MAP3K3: variants seen among roughly 807,000 people sequenced by gnomAD.
The protein encoded by MAP3K3 is mitogen-activated protein kinase kinase kinase 3, also known as MAP/ERK kinase kinase 3.
In MAP3K3, 12 loss-of-function variants were observed where a neutral mutation model predicts 80.9. The ratio of observed to expected loss-of-function variants is 0.15; its 90% CI spans 0.10 to 0.24. MAP3K3 has a LOEUF of 0.24. Ranked by LOEUF, MAP3K3 falls within the 10% of genes least tolerant of loss-of-function variation. The probability of loss-of-function intolerance (pLI) is 1.00; values close to 1 mark genes in which losing one functional copy is unlikely to be tolerated. For synonymous variants in MAP3K3, 272 were observed against 307.1 expected, an observed-to-expected ratio of 0.89 and a Z score of 1.19; for missense variants, 596 against 834.7, an observed-to-expected ratio of 0.71 and a Z score of 3.52.
intron 2 of MAP3K3, among the ~76,000 whole-genome samples, chr17:63,639,050 A>G (rs915975224): frequency 6.6e-6 from 1 of 152,178 alleles, no homozygotes; most frequent in Non-Finnish European, 1.5e-5. Flanking sequence ...AAGGTATGTC[A>G]TATTCCCTGT....
Position 63,652,150 on chromosome 17 carries a change from G to A in MAP3K3, c.168-407G>A, listed in dbSNP as rs1598082913. ...ATCCATCACCTATATATTAAGCCCAGTATGCATTAGCTATTCTTCCTGATA... is the reference window on the plus strand; with the variant it reads ...ATCCATCACCTATATATTAAGCCCAATATGCATTAGCTATTCTTCCTGATA... On this transcript the variant is annotated intron_variant, in intron 3 of 15. Coordinates refer to ENST00000361733, the MANE Select transcript of MAP3K3 (RefSeq NM_002401.5). Among the ~76,000 whole-genome samples, 4 of 152,302 alleles carry A rather than the reference G, an allele frequency of 2.6e-5. No individual in the cohort carries two copies. The South Asian group carries it at 8.3e-4, about 32-fold the overall frequency.
chr17:63,659,119 A>C (rs1285023637), intron 5 of MAP3K3, among the ~76,000 whole-genome samples: 1 of 152,068 alleles, frequency 6.6e-6, no homozygotes, highest in Non-Finnish European at 1.5e-5. Context: ...TGATCCACCC[A>C]CTTTAGCCTT....
chr17:63,651,128 T>C lies in MAP3K3; in HGVS notation c.168-1429T>C, dbSNP rs188591297. Among the ~76,000 whole-genome samples, 31 of 152,294 alleles carry C rather than the reference T, an allele frequency of 2.0e-4. 1 individual carries two copies. Among genetic ancestry groups the C allele is most frequent in the Middle Eastern group, 3.4e-3 (1 of 294 alleles). ...TTGAACCCATATAAAATTGCCACTT[T>C]TATATATCAAAAATGGTCGGCCATC... On this transcript the variant is annotated intron_variant, in intron 3 of 15. Transcript: ENST00000361733.
rs1441881728 is a variant in MAP3K3, at chr17:63,657,885, T to A, written c.359T>A (p.Leu120Gln). Residue 120 changes from leucine to glutamine, a missense_variant, in exon 5 of 16, where the codon CTG (leucine) becomes CAG (glutamine). Leu to Gln is a moderately radical substitution (Grantham distance 113). Coordinates refer to ENST00000361733, the MANE Select transcript of MAP3K3 (RefSeq NM_002401.5). The part of the protein sequence containing the change: ...SSSMKSLRIL[L>Q]LSQDRNHNSS... ...AGCATGAAAAGCCTTAGGATATTGCTGTTGTCCCAGGACAGAAACCATGTA... is the reference window on the plus strand; with the variant it reads ...AGCATGAAAAGCCTTAGGATATTGCAGTTGTCCCAGGACAGAAACCATGTA... The A allele has an allele frequency of 5.6e-6, 9 of 1,602,276 alleles. No homozygotes were observed. The highest frequency in any genetic ancestry group is 7.7e-6 in the Non-Finnish European group (9 of 1,170,906).
intron 1 of MAP3K3, among the ~76,000 whole-genome samples, chr17:63,623,814 A>T (rs2034044449): frequency 6.6e-6 from 1 of 152,214 alleles, no homozygotes; most frequent in Admixed American, 6.5e-5. Flanking sequence ...CAGTGAGAGG[A>T]TCGTTTGCAA....
intron 2 of MAP3K3, chr17:63,636,746 TTGTC>T (rs1234308271): frequency 6.5e-6 from 2 of 305,916 alleles, no homozygotes; most frequent in Non-Finnish European, 1.3e-5. Flanking sequence ...ATTGACCTGT[TTGTC>T]AGCGACAATG....
At chr17:63,654,023 C>T (rs1359508492) in intron 4 of MAP3K3, among the ~76,000 whole-genome samples, 2 of 152,156 alleles carry the variant, frequency 1.3e-5, no homozygotes, top group Non-Finnish European at 2.9e-5. Context: ...CACACCATCA[C>T]ACCCAGCTAA....
At chr17:63,666,172 T>C (rs1159056334) in intron 5 of MAP3K3, among the ~76,000 whole-genome samples, 3 of 152,136 alleles carry the variant, frequency 2.0e-5, no homozygotes, top group Non-Finnish European at 2.9e-5. Context: ...GGAGGATTGC[T>C]GACCCTCCTC....
At chr17:63,635,783 C>T (rs530273713) in intron 2 of MAP3K3, among the ~76,000 whole-genome samples, 1 of 152,132 alleles carries the variant, frequency 6.6e-6, no homozygotes, top group South Asian at 2.1e-4. Context: ...TCTTCATTAC[C>T]AGTTCTTCTG....
At chr17:63,659,144 T>C (rs2034833266) in intron 5 of MAP3K3, among the ~76,000 whole-genome samples, 1 of 152,210 alleles carries the variant, frequency 6.6e-6, no homozygotes, top group Non-Finnish European at 1.5e-5. Context: ...AGTGCTGGGA[T>C]TACAAGTGTG....
intron 8 of MAP3K3, among the ~76,000 whole-genome samples, chr17:63,686,730 C>T (rs1442086306): frequency 6.6e-6 from 1 of 152,082 alleles, no homozygotes; most frequent in Non-Finnish European, 1.5e-5. Context: ...CTAAATTTAC[C>T]CGCCTCTCTA....
intron 4 of MAP3K3, among the ~76,000 whole-genome samples, chr17:63,655,569 C>T (rs939338899): frequency 6.6e-6 from 1 of 152,192 alleles, no homozygotes; most frequent in African/African-American, 2.4e-5. Context: ...TGGCTCACTG[C>T]AGCCTTGACA....
At chr17:63,658,429 G>A (rs921847198) in intron 5 of MAP3K3, among the ~76,000 whole-genome samples, 1 of 152,182 alleles carries the variant, frequency 6.6e-6, no homozygotes, top group East Asian at 1.9e-4. Context: ...CCCAATGGCA[G>A]GCAGTCTGTA....
Position 63,691,262 on chromosome 17 carries a change from A to G in MAP3K3, c.1344+29A>G. On this transcript the variant is annotated intron_variant, in intron 13 of 15. Transcript: ENST00000361733. The surrounding 1 kb of genome is among the most constrained non-coding windows in gnomAD (Gnocchi z 4.8). ...CGTGCCCCTTGAATGCATGTGAGAC[A>G]CACACAAAAGAGGGCCTGACCTGGG... The G allele has an allele frequency of 6.2e-7, 1 of 1,613,780 alleles. No homozygotes were observed. The highest frequency in any genetic ancestry group is 8.5e-7 in the Non-Finnish European group (1 of 1,179,948).
At chr17:63,686,822 A>G (rs1335411584) in intron 8 of MAP3K3, among the ~76,000 whole-genome samples, 1 of 152,210 alleles carries the variant, frequency 6.6e-6, no homozygotes, top group Non-Finnish European at 1.5e-5. Context: ...CTTGAGGTCC[A>G]GCCTGACTTG....
Position 63,691,626 on chromosome 17 carries a change from G to A in MAP3K3, c.1345-107G>A. 1 of 1,473,568 alleles carries A rather than the reference G, an allele frequency of 6.8e-7. No homozygotes were observed. Among genetic ancestry groups the A allele is most frequent in the Non-Finnish European group, 9.2e-7 (1 of 1,090,388 alleles). The allele number at this position is 1,473,568 out of a possible 1,614,324, so 91.3% of individuals were successfully genotyped here. ...GCAAAATGCCCTGCCCAGCCAGATA[G>A]GAATTGAACAAATCACTCCTTTGCT... On this transcript the variant is annotated intron_variant, in intron 13 of 15. Transcript: ENST00000361733. This position sits in a 1 kb window ranked among gnomAD's most constrained non-coding sequence, Gnocchi z 4.8.
chr17:63,685,456 C>T, intron 7 of MAP3K3, 61 bp from the exon 8 acceptor site: 1 of 1,356,402 alleles, frequency 7.4e-7, no homozygotes, highest in South Asian at 1.2e-5. Context: ...GCCATAAAGC[C>T]TGGGTCACTG....
At chr17:63,629,006 T>A (rs1416900481) in intron 1 of MAP3K3, among the ~76,000 whole-genome samples, 1 of 152,212 alleles carries the variant, frequency 6.6e-6, no homozygotes. Flanking sequence ...TATCTCCATT[T>A]TACAGATGAG....
chr17:63,656,504 C>T (rs1198250225), intron 4 of MAP3K3, among the ~76,000 whole-genome samples: 2 of 151,318 alleles, frequency 1.3e-5, no homozygotes, highest in African/African-American at 4.9e-5. Flanking sequence ...ACTCTGGAGG[C>T]TAAGGCAGGA....
Sources: gnomAD v4.1 joint callset for allele counts (sites outside exome capture counted in the v4.1 genomes callset) on GRCh38, gnomAD v4.1.1 for gene constraint, Gnocchi (gnomAD v3.1) non-coding constraint, MANE v1.5 for transcripts, NCBI Gene and HGNC (gene_info 2026-07-23, HGNC 2026-07-21) for gene names.